ERAP1: variants seen among roughly 807,000 people sequenced by gnomAD.
ERAP1 encodes the protein adipocyte-derived leucine aminopeptidase.
Under a neutral mutation model 103.7 loss-of-function variants are expected in ERAP1, and 86 were observed. The ratio of observed to expected loss-of-function variants is 0.83; its 90% CI spans 0.70 to 0.99. The LOEUF is 0.99. ERAP1 is among the 50% of genes least tolerant of loss of function. The pLI is 0.00. For missense variants in ERAP1, 1,009 were observed against 1,128.4 expected, an observed-to-expected ratio of 0.89 and a Z score of 1.52; for synonymous variants, 398 against 402.4, an observed-to-expected ratio of 0.99 and a Z score of 0.13.
At chr5:96,832,689 A>T in the ERAP1 span, among the ~76,000 whole-genome samples, 3 of 152,354 alleles carry the variant, frequency 2.0e-5, no homozygotes, top group Admixed American at 1.3e-4. Context: ...TGTAAAATGT[A>T]TTTAAGTCTC....
At chr5:96,910,960 T>C in the ERAP1 span, among the ~76,000 whole-genome samples, 1 of 152,216 alleles carries the variant, frequency 6.6e-6, no homozygotes, top group Non-Finnish European at 1.5e-5. Context: ...TTACCAATTG[T>C]TATAAAGTTG....
At chr5:96,821,731 C>G in the ERAP1 span, among the ~76,000 whole-genome samples, 4 of 152,166 alleles carry the variant, frequency 2.6e-5, no homozygotes, top group African/African-American at 9.7e-5. Context: ...AGAGGGAACA[C>G]AGCTCAATAG....
chr5:96,786,430 T>C, intron 12 of ERAP1, 40 bp downstream of exon 12: 2 of 1,329,624 alleles, frequency 1.5e-6, no homozygotes, highest in Non-Finnish European at 2.2e-6. Context: ...CATTTTCACA[T>C]TCCTCCTTGA....
At chr5:96,765,238 C>T (rs1319199671) in intron 19 of ERAP1, 17 of 1,603,024 alleles carry the variant, frequency 1.1e-5, no homozygotes, top group Admixed American at 5.0e-5. Context: ...ACAAAGACCT[C>T]GATGATGCCT....
the ERAP1 span, chr5:96,915,855 A>T: frequency 8.5e-7 from 1 of 1,181,410 alleles, no homozygotes; most frequent in Non-Finnish European, 1.2e-6. Flanking sequence ...TCTGATTTGA[A>T]GTTCTCATTT....
At chr5:96,812,031 T>C (rs1169699173), upstream of ERAP1, among the ~76,000 whole-genome samples, 1 of 152,236 alleles carries the variant, frequency 6.6e-6, no homozygotes, top group Non-Finnish European at 1.5e-5. Context: ...CACCATGACA[T>C]ATTTCTTAAA....
Position 96,776,187 on chromosome 5 carries a change from G to C in ERAP1, c.*209C>G. ...CCCAACACTTGGGTTTACGTTGCAGGGCAACACCTGTGATGAACAAAACAC... is the reference window on the plus strand; with the variant it reads ...CCCAACACTTGGGTTTACGTTGCAGCGCAACACCTGTGATGAACAAAACAC... On this transcript the variant is annotated 3_prime_UTR_variant, in exon 19 of 19. Coordinates refer to ENST00000443439, the MANE Select transcript of ERAP1 (RefSeq NM_001040458.3). 6.6e-7 allele frequency: 1 copy of C among 1,511,210 alleles called. No homozygotes were observed. Among genetic ancestry groups the C allele is most frequent in the East Asian group, 2.5e-5 (1 of 39,552 alleles). The allele number at this position is 1,511,210 out of a possible 1,614,324, so 93.6% of individuals were successfully genotyped here.
At chr5:96,813,761 T>C in the ERAP1 span, among the ~76,000 whole-genome samples, 1 of 151,284 alleles carries the variant, frequency 6.6e-6, no homozygotes, top group African/African-American at 2.4e-5. Context: ...GTAGTTAGCA[T>C]TCTGTTATAT....
chr5:96,913,547 T>C, the ERAP1 span: 1 of 1,412,116 alleles, frequency 7.1e-7, no homozygotes, highest in African/African-American at 1.4e-5. Context: ...TCTCAAAGCA[T>C]ATAAATAATA....
the ERAP1 span, among the ~76,000 whole-genome samples, chr5:96,931,672 G>A: frequency 6.6e-6 from 1 of 152,182 alleles, no homozygotes; most frequent in Non-Finnish European, 1.5e-5. Context: ...TTTGGTAAAT[G>A]AGACCTAAGG....
the ERAP1 span, among the ~76,000 whole-genome samples, chr5:96,826,883 A>T: frequency 6.6e-6 from 1 of 152,220 alleles, no homozygotes; most frequent in Non-Finnish European, 1.5e-5. Context: ...AGGGAAAACT[A>T]TACTGTGAAG....
chr5:96,913,670 T>C, the ERAP1 span, among the ~76,000 whole-genome samples: 21 of 152,194 alleles, frequency 1.4e-4, no homozygotes, highest in Non-Finnish European at 2.2e-4. Flanking sequence ...AACAGCCTTC[T>C]CTCATTCAGT....
the ERAP1 span, among the ~76,000 whole-genome samples, chr5:96,860,130 C>G: frequency 6.6e-6 from 1 of 152,094 alleles, no homozygotes; most frequent in East Asian, 1.9e-4. Context: ...GGCATGATCT[C>G]GGCTCACTGC....
chr5:96,784,026 A>T lies in ERAP1; in HGVS notation c.1998T>A (p.His666Gln). ...GAAACACGGGCATAATTTCAGTTTC[A>T]TGTTTCAAGTACAGGGATAAATCCA... is the stretch of plus-strand genomic sequence containing the variant. ...KALDLSLYLK[H>Q]ETEIMPVFQG... The change falls in exon 14 of 19, where the codon CAT becomes CAA. Residue 666 changes from histidine (H) to glutamine (Q), a missense_variant. By Grantham distance (24) the His-to-Gln change is conservative. Around this residue, in one of 3 missense-constraint regions of ERAP1, gnomAD observed 611 missense variants for 651.7 expected, o/e 0.94. Transcript: ENST00000443439. The T allele has an allele frequency of 6.2e-7, 1 of 1,614,132 alleles. No individual in the cohort carries two copies. Among genetic ancestry groups the T allele is most frequent in the Non-Finnish European group, 8.5e-7 (1 of 1,179,992 alleles).
the ERAP1 span, among the ~76,000 whole-genome samples, chr5:96,827,993 G>A: frequency 6.6e-6 from 1 of 152,190 alleles, no homozygotes; most frequent in Admixed American, 6.5e-5. Flanking sequence ...GTAGTTCACA[G>A]ACTAACATAT....
the ERAP1 span, among the ~76,000 whole-genome samples, chr5:96,913,875 G>C: frequency 6.6e-6 from 1 of 152,130 alleles, no homozygotes; most frequent in South Asian, 2.1e-4. Flanking sequence ...TTTGGTAAGA[G>C]CTACTCCTCA....
chr5:96,774,786 T>A lies in ERAP1; in HGVS notation c.*1610A>T. 1 of 984,600 alleles carries A rather than the reference T, an allele frequency of 1.0e-6. No homozygotes were observed. The highest frequency in any genetic ancestry group is 1.2e-6 in the Non-Finnish European group (1 of 829,044). The allele number at this position is 984,600 out of a possible 1,614,324, so 61.0% of individuals were successfully genotyped here. A position where few individuals can be genotyped will look rare whatever the true frequency, so the allele number is the denominator to read the frequency against. ...TAAACCATTCACTACAACAAATAAGTATAAAAATTCCAATTCCACTTTTAT... is the reference window on the plus strand; with the variant it reads ...TAAACCATTCACTACAACAAATAAGAATAAAAATTCCAATTCCACTTTTAT... On this transcript the variant is annotated 3_prime_UTR_variant, in exon 19 of 19. Transcript: ENST00000443439.
chr5:96,919,209 T>C, the ERAP1 span: 2 of 152,332 alleles, frequency 1.3e-5, no homozygotes, highest in African/African-American at 4.8e-5. Context: ...CTTTCTTTGA[T>C]GCCACAGTCA....
At chr5:96,842,993 T>C in the ERAP1 span, among the ~76,000 whole-genome samples, 56 of 152,334 alleles carry the variant, frequency 3.7e-4, 1 homozygote, top group South Asian at 0.012. Context: ...TTCATTCTTC[T>C]ACATTCCTTA....
Sources: gnomAD v4.1 joint callset for allele counts (sites outside exome capture counted in the v4.1 genomes callset) on GRCh38, gnomAD v4.1.1 for gene constraint, gnomAD v4.1.1 regional missense constraint, MANE v1.5 for transcripts, NCBI Gene and HGNC (gene_info 2026-07-23, HGNC 2026-07-21) for gene names.